The following GRID2 variants were observed in gnomAD, a reference collection of about 807,000 sequenced individuals.
GRID2 encodes glutamate ionotropic receptor delta type subunit 2, also known as glutamate receptor ionotropic, delta-2.
A neutral mutation model predicts 114.8 loss-of-function variants in GRID2; 33 were observed. The observed-to-expected ratio is 0.29, with a 90% CI of 0.22 to 0.38. GRID2 has a LOEUF of 0.38. Ranked by LOEUF, GRID2 falls within the 10% of genes least tolerant of loss-of-function variation. The pLI, the probability that GRID2 is intolerant of heterozygous loss-of-function variation, is 1.00. For missense variants in GRID2, 1,184 were observed against 1,257.7 expected (o/e 0.94, Z 0.89); for synonymous variants, 505 against 449.9 (o/e 1.12, Z -1.55).
intron 2 of GRID2, among the ~76,000 whole-genome samples, chr4:93,046,542 A>T (rs569602050): frequency 1.3e-3 from 201 of 152,180 alleles, no homozygotes; most frequent in Non-Finnish European, 2.3e-3. Context: ...TACATTTCAA[A>T]TTCTTTTTAG....
chr4:93,393,432 G>A (rs376548883), intron 8 of GRID2, among the ~76,000 whole-genome samples: 3 of 151,894 alleles, frequency 2.0e-5, no homozygotes, highest in East Asian at 3.9e-4. Context: ...ATATATGAGA[G>A]AGTCTAGCCA....
At chr4:92,416,158 G>T (rs186124450) in intron 1 of GRID2, among the ~76,000 whole-genome samples, 159 of 152,108 alleles carry the variant, frequency 1.0e-3, no homozygotes, top group African/African-American at 3.4e-3. Flanking sequence ...GATGATTAGT[G>T]AGGAACAATT....
chr4:93,493,838 T>C (rs1055401526), intron 12 of GRID2, among the ~76,000 whole-genome samples: 1 of 151,842 alleles, frequency 6.6e-6, no homozygotes, highest in African/African-American at 2.4e-5. Context: ...TTGCATTCAT[T>C]TTTTTAAAAA....
chr4:93,787,674 C>T (rs1734620148), intron 1 of GRID2, among the ~76,000 whole-genome samples: 1 of 152,088 alleles, frequency 6.6e-6, no homozygotes, highest in Non-Finnish European at 1.5e-5. Flanking sequence ...GTTTCGCAGT[C>T]TTGTTTATTA....
At chr4:92,309,659 C>G (rs1432734821) in intron 1 of GRID2, among the ~76,000 whole-genome samples, 1 of 151,664 alleles carries the variant, frequency 6.6e-6, no homozygotes, top group Non-Finnish European at 1.5e-5. Flanking sequence ...AATATGATCC[C>G]TGTCTCTTAT....
chr4:93,517,031 A>T (rs1481010335), intron 13 of GRID2, among the ~76,000 whole-genome samples: 1 of 152,012 alleles, frequency 6.6e-6, no homozygotes, highest in African/African-American at 2.4e-5. Context: ...TCATTTTTTT[A>T]AATAAAATGT....
chr4:93,240,618 C>T (rs190799145), intron 8 of GRID2, among the ~76,000 whole-genome samples: 21 of 151,414 alleles, frequency 1.4e-4, no homozygotes, highest in African/African-American at 5.1e-4. Context: ...TATGAATTTT[C>T]ATCCTTATTA....
intron 10 of GRID2, among the ~76,000 whole-genome samples, chr4:93,426,827 A>AT (rs1768894165): frequency 6.6e-6 from 1 of 152,048 alleles, no homozygotes; most frequent in Non-Finnish European, 1.5e-5. Context: ...CAGACATATG[A>AT]TTTTTAGACA....
At chr4:93,749,419 G>T (rs1233798800) in intron 14 of GRID2, among the ~76,000 whole-genome samples, 2 of 152,202 alleles carry the variant, frequency 1.3e-5, no homozygotes, top group African/African-American at 2.4e-5. Context: ...AAAGTTCAGT[G>T]ACTGACAGGA....
chr4:92,843,376 C>A (rs1743058301), intron 2 of GRID2, among the ~76,000 whole-genome samples: 2 of 152,210 alleles, frequency 1.3e-5, no homozygotes, highest in Admixed American at 1.3e-4. Context: ...TTCAAGAACT[C>A]CTTTCACTTA....
chr4:92,388,760 T>G (rs773050989), intron 1 of GRID2, among the ~76,000 whole-genome samples: 6 of 152,022 alleles, frequency 3.9e-5, no homozygotes, highest in Non-Finnish European at 8.8e-5. Context: ...TGTATATATA[T>G]GAAATAGACT....
At chr4:92,638,789 TTTTAATATTTGTCTTTGAAAA>T (rs1041031511) in intron 2 of GRID2, among the ~76,000 whole-genome samples, 2 of 150,984 alleles carry the variant, frequency 1.3e-5, no homozygotes, top group African/African-American at 2.4e-5. Flanking sequence ...ATATTAAAAA[TTTTAATATTTGTCTTTGAAAA>T]TTTAATATTT....
At chr4:93,309,262 C>A (rs777023915) in intron 8 of GRID2, among the ~76,000 whole-genome samples, 1 of 152,204 alleles carries the variant, frequency 6.6e-6, no homozygotes, top group South Asian at 2.1e-4. Context: ...AGGCAGGGTG[C>A]GGTGGCTCAC....
At chr4:92,527,370 C>T (rs988291439) in intron 1 of GRID2, among the ~76,000 whole-genome samples, 1 of 152,178 alleles carries the variant, frequency 6.6e-6, no homozygotes, top group East Asian at 1.9e-4. Flanking sequence ...TACATATCTG[C>T]ACCCAGTGTA....
chr4:92,617,830 C>T (rs899194635), intron 2 of GRID2, among the ~76,000 whole-genome samples: 8 of 151,584 alleles, frequency 5.3e-5, no homozygotes, highest in Admixed American at 3.3e-4. Context: ...CTATTGAGGT[C>T]ATTTGCCCTT....
intron 14 of GRID2, among the ~76,000 whole-genome samples, chr4:93,752,679 A>G (rs1458789573): frequency 6.6e-6 from 1 of 151,858 alleles, no homozygotes; most frequent in Admixed American, 6.6e-5. Flanking sequence ...CAATACTCAT[A>G]CTCTTAACTA....
chr4:93,420,760 T>G (rs796591789), intron 9 of GRID2, among the ~76,000 whole-genome samples: 2 of 117,076 alleles, frequency 1.7e-5, no homozygotes, highest in Non-Finnish European at 1.9e-5. Context: ...ATTTATTTAT[T>G]TATTTATGTT....
At chr4:93,226,525 A>G (rs903349267) in intron 7 of GRID2, among the ~76,000 whole-genome samples, 1 of 152,194 alleles carries the variant, frequency 6.6e-6, no homozygotes, top group African/African-American at 2.4e-5. Context: ...ATACGCTGAG[A>G]CAGGGATTGG....
At chr4:92,548,423 A>T in intron 1 of GRID2, among the ~76,000 whole-genome samples, 1 of 1,426 alleles carries the variant, frequency 7.0e-4, no homozygotes. Flanking sequence ...TTTTTTTGAG[A>T]CAGAGTCTTG....
Sources: gnomAD v4.1 joint callset for allele counts (sites outside exome capture counted in the v4.1 genomes callset) on GRCh38, gnomAD v4.1.1 for gene constraint, MANE v1.5 for transcripts, NCBI Gene and HGNC (gene_info 2026-07-23, HGNC 2026-07-21) for gene names.